Variants in SLCO4C1 observed in about 807,000 individuals in gnomAD.
SLCO4C1 encodes the protein organic anion transporter M1.
SLCO4C1 carries 58 observed loss-of-function variants against 72.1 expected under a neutral mutation model. The observed-to-expected ratio is 0.80, with a 90% confidence interval of 0.65 to 1.00. SLCO4C1 has a LOEUF of 1.00. Among genes scored for constraint, SLCO4C1 ranks in the 50% least tolerant of loss-of-function variants. SLCO4C1 has a pLI of 0.00. For synonymous variants in SLCO4C1, 297 were observed against 312.5 expected (o/e 0.95, Z 0.52); for missense variants, 898 against 857.9 (o/e 1.05, Z -0.58).
At chr5:102,247,170 A>G in intron 10 of SLCO4C1, 82 bp downstream of exon 10, 1 of 1,091,072 alleles carries the variant, frequency 9.2e-7, no homozygotes, top group Non-Finnish European at 1.3e-6. Flanking sequence ...GGTCAATATG[A>G]ACCCCAAATG....
At chr5:102,243,877 T>C (rs1748590661) in intron 10 of SLCO4C1, among the ~76,000 whole-genome samples, 1 of 152,102 alleles carries the variant, frequency 6.6e-6, no homozygotes, top group South Asian at 2.1e-4. Context: ...ATCAGATATA[T>C]TTTACAAAAA....
At chr5:102,272,088 T>C (rs1420681642) in intron 2 of SLCO4C1, among the ~76,000 whole-genome samples, 1 of 152,126 alleles carries the variant, frequency 6.6e-6, no homozygotes, top group Non-Finnish European at 1.5e-5. Context: ...AAAATGTGAA[T>C]AATACAGGCA....
intron 2 of SLCO4C1, among the ~76,000 whole-genome samples, chr5:102,282,766 TTAA>T (rs1281583813): frequency 6.6e-6 from 1 of 152,042 alleles, no homozygotes. Context: ...TGAATGTGTG[TTAA>T]TGACTGTGTA....
chr5:102,288,260 C>T (rs1342505750), intron 2 of SLCO4C1, among the ~76,000 whole-genome samples: 1 of 152,174 alleles, frequency 6.6e-6, no homozygotes, highest in East Asian at 1.9e-4. Flanking sequence ...CTAAAAAACT[C>T]CAAACCCGAA....
intron 2 of SLCO4C1, among the ~76,000 whole-genome samples, chr5:102,271,700 G>A (rs901759998): frequency 2.0e-5 from 3 of 151,508 alleles, no homozygotes; most frequent in Non-Finnish European, 2.9e-5. Context: ...ATTTTTTTCT[G>A]TGAACTAATT....
intron 2 of SLCO4C1, among the ~76,000 whole-genome samples, chr5:102,282,384 T>C (rs1749374180): frequency 6.6e-6 from 1 of 151,928 alleles, no homozygotes; most frequent in Non-Finnish European, 1.5e-5. Context: ...TCCGAAGCTG[T>C]TTTCCTTGAG....
At chr5:102,264,579 A>C (rs72777945) in intron 3 of SLCO4C1, among the ~76,000 whole-genome samples, 29,550 of 151,844 alleles carry the variant, frequency 0.19, 3,709 homozygotes, top group Non-Finnish European at 0.25. Context: ...AAATCGTAGT[A>C]ATTAGCACAC....
At chr5:102,279,391 A>C (rs1361678196) in intron 2 of SLCO4C1, among the ~76,000 whole-genome samples, 4 of 152,080 alleles carry the variant, frequency 2.6e-5, no homozygotes, top group Admixed American at 6.6e-5. Context: ...GATTTGAATT[A>C]CTATTAAAGA....
intron 4 of SLCO4C1, among the ~76,000 whole-genome samples, chr5:102,263,459 T>C (rs1748978531): frequency 6.6e-6 from 1 of 152,082 alleles, no homozygotes; most frequent in Non-Finnish European, 1.5e-5. Flanking sequence ...TTATTAAATA[T>C]TATTTATGAA....
intron 8 of SLCO4C1, among the ~76,000 whole-genome samples, chr5:102,252,218 A>G (rs1000547155): frequency 1.3e-5 from 2 of 152,176 alleles, no homozygotes; most frequent in African/African-American, 4.8e-5. Flanking sequence ...GGTCAAACAC[A>G]GTAAATGAGT....
rs1248584031 is a variant in SLCO4C1 at position 102,236,278 on chromosome 5, G to C, written c.*580C>G. On this transcript the variant is annotated 3_prime_UTR_variant, in exon 13 of 13. Transcript: ENST00000310954. ...TAGTTCAATAATTTGCTTGGAGAAA[G>C]GCCAGGCTAGTATACATAAATTTAA... 6.6e-6 allele frequency: 1 copy of C among 152,326 alleles called. No individual in the cohort carries two copies. Among genetic ancestry groups the C allele is most frequent in the African/African-American group, 2.4e-5 (1 of 41,402 alleles). 9.4% of individuals were successfully genotyped at this position (152,326 alleles called of 1,614,324 possible).
Position 102,247,387 on chromosome 5 carries a change from T to C in SLCO4C1, c.1676A>G (p.Glu559Gly). Reference sequence around the variant, plus strand: ...AGCTTTAGCTTCAAAACCAAAAGTTTCTGCAGTGGATGTTATTTCTGTTTT... The same window carrying C: ...AGCTTTAGCTTCAAAACCAAAAGTTCCTGCAGTGGATGTTATTTCTGTTTT... ...ERKTEITSTA[E>G]TFGFEAKAGK... is the part of the protein sequence containing the mutation. Residue 559 changes from glutamate to glycine, a missense_variant, in exon 10 of 13, where the codon GAA becomes GGA. Glu to Gly is a moderately conservative substitution (Grantham distance 98). Coordinates refer to ENST00000310954, the MANE Select transcript of SLCO4C1 (RefSeq NM_180991.5). 6.3e-7 allele frequency: 1 copy of C among 1,594,492 alleles called. No homozygotes were observed. Among genetic ancestry groups the C allele is most frequent in the Non-Finnish European group, 8.6e-7 (1 of 1,165,086 alleles).
intron 2 of SLCO4C1, among the ~76,000 whole-genome samples, chr5:102,272,406 A>C (rs1315927232): frequency 1.3e-5 from 2 of 152,168 alleles, no homozygotes; most frequent in African/African-American, 4.8e-5. Flanking sequence ...ATCCATTTTC[A>C]TAATACAGGT....
At chr5:102,292,725 T>G (rs1196684412) in intron 1 of SLCO4C1, among the ~76,000 whole-genome samples, 1 of 152,164 alleles carries the variant, frequency 6.6e-6, no homozygotes, top group Non-Finnish European at 1.5e-5. Context: ...TTTGACTTAC[T>G]TAAAAATGTC....
intron 2 of SLCO4C1, among the ~76,000 whole-genome samples, chr5:102,285,904 G>C (rs186369572): frequency 1.8e-4 from 28 of 152,190 alleles, no homozygotes; most frequent in Admixed American, 5.9e-4. Flanking sequence ...CAAAATTAAA[G>C]CTTCCTGTAT....
chr5:102,247,525 A>G (rs1748657964), intron 9 of SLCO4C1, 83 bp from the exon 10 acceptor site: 2 of 890,328 alleles, frequency 2.2e-6, no homozygotes, highest in East Asian at 5.3e-5. Flanking sequence ...TAGACATGGC[A>G]AACACTCTCA....
Position 102,242,876 on chromosome 5 carries a change from G to A in SLCO4C1, c.1812-2094C>T, listed in dbSNP as rs529224879. 2.0e-5 allele frequency among the ~76,000 whole-genome samples: 3 copies of A among 152,224 alleles called. No individual in the cohort carries two copies. The East Asian group carries it at 5.8e-4, about 30-fold the overall frequency. ...CGCTTTAGGTACCATCACTGCCCCG[G>A]GGGGTAGAGCACCAAGCAGGTTATT... On this transcript the variant is annotated intron_variant, in intron 10 of 12. Transcript: ENST00000310954.
At chr5:102,295,161 C>G (rs1438680661) in intron 1 of SLCO4C1, among the ~76,000 whole-genome samples, 1 of 152,158 alleles carries the variant, frequency 6.6e-6, no homozygotes, top group African/African-American at 2.4e-5. Flanking sequence ...AGCTGTTCTC[C>G]CTCCAGGATA....
chr5:102,292,758 T>C (rs1202379716), intron 1 of SLCO4C1, among the ~76,000 whole-genome samples: 1 of 152,130 alleles, frequency 6.6e-6, no homozygotes, highest in Non-Finnish European at 1.5e-5. Flanking sequence ...AGATTAAACT[T>C]ACAGGAGTTT....
Sources: allele counts gnomAD v4.1 joint callset (sites outside exome capture counted in the v4.1 genomes callset), GRCh38; gene constraint gnomAD v4.1.1; transcripts MANE v1.5; gene names NCBI Gene and HGNC (gene_info 2026-07-23, HGNC 2026-07-21).